The following SMAD2 variants were observed in gnomAD, a reference collection of about 807,000 sequenced individuals.
SMAD2 encodes MAD homolog 2.
In SMAD2, 8 loss-of-function variants were observed where a neutral mutation model predicts 64.4. The observed-to-expected ratio is 0.12, with a 90% CI of 0.07 to 0.22. The LOEUF is 0.22. Ranked by LOEUF, SMAD2 falls within the 10% of genes least tolerant of loss-of-function variation. The pLI is 1.00. For synonymous variants in SMAD2, 203 were observed against 195.8 expected (o/e 1.04, Z -0.31); for missense variants, 289 against 561.2 (o/e 0.51, Z 4.90).
At chr18:47,908,627 G>A (rs1397769841) in intron 1 of SMAD2, among the ~76,000 whole-genome samples, 4 of 152,114 alleles carry the variant, frequency 2.6e-5, no homozygotes, top group African/African-American at 4.8e-5. Context: ...TTACAGTTGA[G>A]AAATGTAAAC....
Position 47,811,881 on chromosome 18 carries a change from CT to C in SMAD2, c.*29945del, listed in dbSNP as rs1427887863. 6.6e-6 allele frequency: 1 copy of C among 152,222 alleles called. No homozygotes were observed. The highest frequency in any genetic ancestry group is 1.5e-5 in the Non-Finnish European group (1 of 68,056). 9.4% of individuals were successfully genotyped at this position (152,222 alleles called of 1,614,324 possible). A position where few individuals can be genotyped will look rare whatever the true frequency, so the allele number is the denominator to read the frequency against. Reference sequence around the variant, plus strand: ...TTGCATGCCTACCATATATAAAGCACTGCTGGAAATGTTGAAGCAGACACAA... The same window carrying C: ...TTGCATGCCTACCATATATAAAGCACGCTGGAAATGTTGAAGCAGACACAA... On this transcript the variant is annotated 3_prime_UTR_variant, in exon 11 of 11. Coordinates refer to ENST00000262160, the MANE Select transcript of SMAD2 (RefSeq NM_005901.6).
intron 2 of SMAD2, among the ~76,000 whole-genome samples, chr18:47,888,853 G>C (rs1023333536): frequency 2.6e-5 from 4 of 152,146 alleles, no homozygotes; most frequent in Non-Finnish European, 5.9e-5. Context: ...AACAGAAGCA[G>C]ACCAACAGAT....
chr18:47,896,888 A>G (rs2033460719), intron 1 of SMAD2, 79 bp from the exon 2 acceptor site: 2 of 1,305,610 alleles, frequency 1.5e-6, no homozygotes, highest in Admixed American at 2.0e-5. Context: ...TAGAAAGCAA[A>G]CTGCAAAGCA....
At position 47,821,058 on chromosome 18, in the gene SMAD2, T is replaced by G. The variant is rs1912557311; in HGVS notation, c.*20769A>C. On this transcript the variant is annotated 3_prime_UTR_variant, in exon 11 of 11. Coordinates refer to ENST00000262160, the MANE Select transcript of SMAD2 (RefSeq NM_005901.6). ...GCCATCTTCTAAACCACAGTTTAAA[T>G]TTCTGCCATATTTCCTTCTGAGATC... is the stretch of plus-strand genomic sequence containing the variant. 1 of 152,166 alleles carries G rather than the reference T, an allele frequency of 6.6e-6. No homozygotes were observed. The highest frequency in any genetic ancestry group is 1.5e-5 in the Non-Finnish European group (1 of 68,008). 9.4% of individuals were successfully genotyped at this position (152,166 alleles called of 1,614,324 possible).
At position 47,853,916 on chromosome 18, in the gene SMAD2, C is replaced by A. The variant is rs1263087171; in HGVS notation, c.731-2589G>T. Among the ~76,000 whole-genome samples, 5 of 152,184 alleles carry A rather than the reference C, an allele frequency of 3.3e-5. No homozygotes were observed. The East Asian group carries it at 9.7e-4, about 29-fold the overall frequency. On this transcript the variant is annotated intron_variant, in intron 6 of 10. Coordinates refer to ENST00000262160, the MANE Select transcript of SMAD2 (RefSeq NM_005901.6). ...CCACTATTAGAAATGGAGGAAACTG[C>A]CCAACTATTCATATCTTTTAACTGT...
In SMAD2 at chr18:47,869,388, A is replaced by G. The variant is rs776395949; in HGVS notation, c.375T>C (p.His125=). The change falls in exon 4 of 11, where the codon CAT becomes CAC. Residue 125 remains histidine, a synonymous_variant. Transcript: ENST00000262160. ...AGCGCCATAATCGGCAATATATAACATGTGGCAATCCTTTTCGATGGGATA... is the reference window on the plus strand; with the variant it reads ...AGCGCCATAATCGGCAATATATAACGTGTGGCAATCCTTTTCGATGGGATA... The part of the protein sequence containing the change: ...LQVSHRKGLP[H]VIYCRLWRWP... 2 of 1,613,430 alleles carry G rather than the reference A, an allele frequency of 1.2e-6. No homozygotes were observed. The highest frequency in any genetic ancestry group is 2.2e-5 in the East Asian group (1 of 44,848).
At chr18:47,871,007 G>C (rs1252044549) in intron 2 of SMAD2, among the ~76,000 whole-genome samples, 1 of 152,076 alleles carries the variant, frequency 6.6e-6, no homozygotes, top group Non-Finnish European at 1.5e-5. Flanking sequence ...CCACAGTTAA[G>C]ATTTTCAGGT....
At position 47,841,103 on chromosome 18, in the gene SMAD2, A is replaced by G. The variant is rs1210104792; in HGVS notation, c.*724T>C. ...ATGGGAATGGAAAAAAGAGGCTTGGAAAGGTTTTCAGTATGGTTTCCTTAT... is the reference window on the plus strand; with the variant it reads ...ATGGGAATGGAAAAAAGAGGCTTGGGAAGGTTTTCAGTATGGTTTCCTTAT... On this transcript the variant is annotated 3_prime_UTR_variant, in exon 11 of 11. Transcript: ENST00000262160. 2 of 232,408 alleles carry G rather than the reference A, an allele frequency of 8.6e-6. No individual in the cohort carries two copies. Among genetic ancestry groups the G allele is most frequent in the Non-Finnish European group, 1.7e-5 (2 of 117,708 alleles). The allele number at this position is 232,408 out of a possible 1,614,324, so 14.4% of individuals were successfully genotyped here.
At chr18:47,926,569 T>A (rs779681476) in intron 1 of SMAD2, among the ~76,000 whole-genome samples, 61 of 152,108 alleles carry the variant, frequency 4.0e-4, no homozygotes, top group Non-Finnish European at 6.8e-4. Flanking sequence ...GTTTCTAATC[T>A]AGTGCAGGTT....
At position 47,845,655 on chromosome 18, in the gene SMAD2, A is replaced by G. The variant is rs1401485286; in HGVS notation, c.1135+8T>C. On this transcript the variant is annotated splice_region_variant and intron_variant, in intron 9 of 10. Coordinates refer to ENST00000262160, the MANE Select transcript of SMAD2 (RefSeq NM_005901.6). Reference sequence around the variant, plus strand: ...ATGATAGGTTTATGTACATTATTGAATCCATACCTGGTGGAATTTTACACA... The same window carrying G: ...ATGATAGGTTTATGTACATTATTGAGTCCATACCTGGTGGAATTTTACACA... 1 of 1,613,686 alleles carries G rather than the reference A, an allele frequency of 6.2e-7. No individual in the cohort carries two copies.
intron 2 of SMAD2, among the ~76,000 whole-genome samples, chr18:47,893,047 C>T (rs1456922186): frequency 6.6e-6 from 1 of 152,122 alleles, no homozygotes; most frequent in Non-Finnish European, 1.5e-5. Flanking sequence ...ATCTAAATAT[C>T]AATTGCCATT....
At chr18:47,857,479 T>C (rs1355807847) in intron 6 of SMAD2, among the ~76,000 whole-genome samples, 1 of 152,188 alleles carries the variant, frequency 6.6e-6, no homozygotes, top group Admixed American at 6.5e-5. Flanking sequence ...GTTCCCCTTA[T>C]AGTTAGTATG....
chr18:47,840,145 T>C lies in SMAD2; in HGVS notation c.*1682A>G, dbSNP rs996524000. The C allele has an allele frequency of 8.6e-6, 2 of 232,916 alleles. No individual in the cohort carries two copies. Among genetic ancestry groups the C allele is most frequent in the Non-Finnish European group, 1.7e-5 (2 of 117,932 alleles). 14.4% of individuals were successfully genotyped at this position (232,916 alleles called of 1,614,324 possible). ...GAACACATACATATACACACAAATA[T>C]AGGAAAATGGGGAGTACCCAATAGA... On this transcript the variant is annotated 3_prime_UTR_variant, in exon 11 of 11. Coordinates refer to ENST00000262160, the MANE Select transcript of SMAD2 (RefSeq NM_005901.6).
chr18:47,860,330 G>A (rs1007916543), intron 6 of SMAD2, among the ~76,000 whole-genome samples: 10 of 151,980 alleles, frequency 6.6e-5, no homozygotes, highest in African/African-American at 2.2e-4. Context: ...GGAGTGCAGC[G>A]GCGCAAACAT....
intron 1 of SMAD2, among the ~76,000 whole-genome samples, chr18:47,910,293 G>GTGCTTCTAAACTAGCTCCAGATGAT (rs1269465440): frequency 1.3e-5 from 2 of 152,116 alleles, no homozygotes; most frequent in Non-Finnish European, 2.9e-5. Flanking sequence ...ACAGAGATCA[G>GTGCTTCTAAACTAGCTCCAGATGAT]TGCTTCTAAA....
At chr18:47,904,863 G>C (rs1334993730) in intron 1 of SMAD2, among the ~76,000 whole-genome samples, 1 of 152,100 alleles carries the variant, frequency 6.6e-6, no homozygotes, top group South Asian at 2.1e-4. Context: ...CACTAGAAAA[G>C]AATGTTCTTC....
At chr18:47,921,235 C>T (rs1195575694) in intron 1 of SMAD2, among the ~76,000 whole-genome samples, 2 of 152,160 alleles carry the variant, frequency 1.3e-5, no homozygotes, top group Non-Finnish European at 2.9e-5. Flanking sequence ...GCATTCATTA[C>T]ATACTGACAC....
chr18:47,863,272 G>A (rs1384693628), intron 6 of SMAD2, among the ~76,000 whole-genome samples: 3 of 151,760 alleles, frequency 2.0e-5, no homozygotes, highest in Non-Finnish European at 2.9e-5. Context: ...CAAACTAACT[G>A]TTGGCATCTC....
At chr18:47,919,439 C>G (rs897784364) in intron 1 of SMAD2, among the ~76,000 whole-genome samples, 1 of 146,342 alleles carries the variant, frequency 6.8e-6, no homozygotes, top group African/African-American at 2.5e-5. Flanking sequence ...AACTAGACAA[C>G]AGAGTGTGAC....
Sources: allele counts gnomAD v4.1 joint callset (sites outside exome capture counted in the v4.1 genomes callset), GRCh38; gene constraint gnomAD v4.1.1; transcripts MANE v1.5; gene names NCBI Gene and HGNC (gene_info 2026-07-23, HGNC 2026-07-21).